Variants in EDARADD observed in about 807,000 individuals in gnomAD.
EDARADD encodes EDAR associated via death domain, also known as ectodysplasin-A receptor-associated adapter protein.
EDARADD carries 20 observed loss-of-function variants against 25.6 expected under a neutral mutation model. The observed-to-expected ratio is 0.78, with a 90% confidence interval of 0.55 to 1.14. The LOEUF is 1.14. EDARADD is among the 50% of genes most tolerant of loss of function. The pLI is 0.00. For synonymous variants in EDARADD, 86 were observed against 94.4 expected (o/e 0.91, Z 0.52); for missense variants, 225 against 270.1 (o/e 0.83, Z 1.17).
intron 3 of EDARADD, among the ~76,000 whole-genome samples, chr1:236,383,403 A>T (rs913947449): frequency 4.0e-5 from 6 of 151,196 alleles, no homozygotes; most frequent in East Asian, 2.0e-4. Flanking sequence ...AAAAAAAAAA[A>T]ATCTCTCAAG....
chr1:236,363,857 T>C (rs2102992036), intron 3 of EDARADD, among the ~76,000 whole-genome samples: 2 of 152,098 alleles, frequency 1.3e-5, no homozygotes, highest in Middle Eastern at 6.8e-3. Context: ...CAAGTGAACC[T>C]CTTTTCTTTA....
At chr1:236,363,442 A>C (rs1667078203) in intron 3 of EDARADD, among the ~76,000 whole-genome samples, 1 of 151,080 alleles carries the variant, frequency 6.6e-6, no homozygotes, top group East Asian at 2.0e-4. Flanking sequence ...TTCCTTCTCC[A>C]GCCATGGTTC....
intron 3 of EDARADD, among the ~76,000 whole-genome samples, chr1:236,370,191 C>A (rs774256266): frequency 6.6e-6 from 1 of 152,122 alleles, no homozygotes; most frequent in Non-Finnish European, 1.5e-5. Context: ...GAGGTGCAGG[C>A]GGGCAGATTG....
chr1:236,432,833 C>T (rs1426775321), intron 4 of EDARADD, among the ~76,000 whole-genome samples: 3 of 151,512 alleles, frequency 2.0e-5, no homozygotes, highest in South Asian at 2.1e-4. Flanking sequence ...TCCAGTGAGC[C>T]GAGATCATGC....
chr1:236,474,859 G>A (rs954103250), intron 5 of EDARADD, among the ~76,000 whole-genome samples: 1 of 152,190 alleles, frequency 6.6e-6, no homozygotes, highest in African/African-American at 2.4e-5. Context: ...TTGGCTGGGT[G>A]TGATAGCTCA....
chr1:236,440,749 A>G (rs1489955138), intron 4 of EDARADD, among the ~76,000 whole-genome samples: 1 of 152,030 alleles, frequency 6.6e-6, no homozygotes, highest in Non-Finnish European at 1.5e-5. Flanking sequence ...TGATGTTACT[A>G]TTGTAATTGT....
intron 4 of EDARADD, among the ~76,000 whole-genome samples, chr1:236,441,423 G>A (rs551981118): frequency 7.3e-4 from 105 of 144,308 alleles, no homozygotes; most frequent in African/African-American, 2.3e-3. Context: ...GAAAGCCCTA[G>A]ATGGCATCTT....
At chr1:236,443,201 T>C (rs546040886) in intron 4 of EDARADD, among the ~76,000 whole-genome samples, 1 of 152,164 alleles carries the variant, frequency 6.6e-6, no homozygotes, top group Non-Finnish European at 1.5e-5. Flanking sequence ...AGAAATAAAT[T>C]CCTTTTCTTT....
intron 4 of EDARADD, among the ~76,000 whole-genome samples, chr1:236,447,244 TTTCTTTCCTTTC>T (rs1284744348): frequency 7.3e-6 from 1 of 136,408 alleles, no homozygotes; most frequent in African/African-American, 3.2e-5. Flanking sequence ...CTTTCTTTCC[TTTCTTTCCTTTC>T]TTTCTTTCTT....
chr1:236,381,086 A>G (rs960114704), intron 3 of EDARADD, among the ~76,000 whole-genome samples: 2 of 152,050 alleles, frequency 1.3e-5, no homozygotes, highest in African/African-American at 4.8e-5. Context: ...CCCACCCTCA[A>G]TCCTGGGCAC....
intron 3 of EDARADD, among the ~76,000 whole-genome samples, chr1:236,369,664 C>A (rs956730876): frequency 2.0e-5 from 3 of 152,032 alleles, no homozygotes; most frequent in African/African-American, 7.2e-5. Context: ...CATGGAGAGA[C>A]CCCGTCTCTA....
At chr1:236,405,887 TTC>T (rs1476719327) in intron 1 of EDARADD, among the ~76,000 whole-genome samples, 1 of 39,706 alleles carries the variant, frequency 2.5e-5, no homozygotes, top group African/African-American at 8.3e-5. Flanking sequence ...CTTTCTTTCT[TTC>T]TTTCTTTCTT....
rs193134569 is a variant in EDARADD, at chr1:236,452,948, A to G, written c.220-15283A>G. Among the ~76,000 whole-genome samples, 7 of 152,276 alleles carry G rather than the reference A, an allele frequency of 4.6e-5. No homozygotes were observed. The East Asian group carries it at 1.3e-3, about 29-fold the overall frequency. ...ATTACGGGACTTGGAGATTGTTTCA[A>G]CTATTTCACTGTTCTAAATGCTGCT... On this transcript the variant is annotated intron_variant, in intron 4 of 5. Coordinates refer to ENST00000334232, the MANE Select transcript of EDARADD (RefSeq NM_145861.4).
rs573814452 is a variant in EDARADD, at chr1:236,483,414, G to A, written c.*765G>A. The A allele has an allele frequency of 2.6e-4, 309 of 1,173,788 alleles. No homozygotes were observed. Among genetic ancestry groups the A allele is most frequent in the Non-Finnish European group, 3.6e-4 (285 of 781,174 alleles). 72.7% of individuals were successfully genotyped at this position (1,173,788 alleles called of 1,614,324 possible). A position where few individuals can be genotyped will look rare whatever the true frequency, so the allele number is the denominator to read the frequency against. ...TGTCCTGGTTAGCAAGAAACTGAAC[G>A]TCACAGAACAAGAGAAGATTGACAA... is the stretch of plus-strand genomic sequence containing the variant. On this transcript the variant is annotated 3_prime_UTR_variant, in exon 6 of 6. Transcript: ENST00000334232.
At chr1:236,383,532 G>C (rs1024588036) in intron 3 of EDARADD, among the ~76,000 whole-genome samples, 7 of 152,108 alleles carry the variant, frequency 4.6e-5, no homozygotes, top group African/African-American at 1.4e-4. Context: ...ATTTTGTCTG[G>C]GTTTTTTGTT....
Position 236,395,505 on chromosome 1 carries a change from A to G in EDARADD, c.61+1000A>G, listed in dbSNP as rs1667499007. On this transcript the variant is annotated intron_variant, in intron 1 of 5. Transcript: ENST00000334232. This position sits in a 1 kb window ranked among gnomAD's most constrained non-coding sequence, Gnocchi z 6.9. Reference sequence around the variant, plus strand: ...GGCGGAGGAGGGCAGGGGCGCGCAGAGCCACGGTTTGCTCCAGGCGCGTCG... The same window carrying G: ...GGCGGAGGAGGGCAGGGGCGCGCAGGGCCACGGTTTGCTCCAGGCGCGTCG... 1.3e-6 allele frequency: 2 copies of G among 1,527,464 alleles called. No homozygotes were observed. The highest frequency in any genetic ancestry group is 1.8e-6 in the Non-Finnish European group (2 of 1,141,380). 94.6% of individuals were successfully genotyped at this position (1,527,464 alleles called of 1,614,324 possible).
chr1:236,432,682 C>T (rs987829269), intron 4 of EDARADD, among the ~76,000 whole-genome samples: 3 of 151,886 alleles, frequency 2.0e-5, no homozygotes, highest in Non-Finnish European at 4.4e-5. Flanking sequence ...ATCAGGAATT[C>T]TAGACCAGCC....
chr1:236,377,554 G>A (rs747269858), intron 3 of EDARADD, among the ~76,000 whole-genome samples: 2 of 150,738 alleles, frequency 1.3e-5, no homozygotes, highest in Admixed American at 6.6e-5. Flanking sequence ...ATGCTTGCCC[G>A]GTCTCTTCAA....
At chr1:236,476,805 G>T (rs982045950) in intron 5 of EDARADD, among the ~76,000 whole-genome samples, 1 of 152,032 alleles carries the variant, frequency 6.6e-6, no homozygotes, top group South Asian at 2.1e-4. Context: ...GATTACAGGC[G>T]TGAGCCACCT....
Sources: allele counts gnomAD v4.1 joint callset (sites outside exome capture counted in the v4.1 genomes callset), GRCh38; gene constraint gnomAD v4.1.1; non-coding constraint Gnocchi (gnomAD v3.1); transcripts MANE v1.5; gene names NCBI Gene and HGNC (gene_info 2026-07-23, HGNC 2026-07-21).